MDN1: variants seen among roughly 807,000 people sequenced by gnomAD.
The protein encoded by MDN1 is midasin.
Under a neutral mutation model 669.2 loss-of-function variants are expected in MDN1, and 266 were observed. The observed-to-expected ratio is 0.40, with a 90% confidence interval of 0.36 to 0.44. MDN1 has a LOEUF of 0.44. Ranked by LOEUF, MDN1 falls within the 20% of genes least tolerant of loss-of-function variation. MDN1 has a pLI of 1.00. For synonymous variants in MDN1, 2,385 were observed against 2,457.1 expected, an observed-to-expected ratio of 0.97 and a Z score of 0.87; for missense variants, 5,940 against 6,754.0, an observed-to-expected ratio of 0.88 and a Z score of 4.22.
At chr6:89,742,674 A>G (rs1165620655) in intron 31 of MDN1, among the ~76,000 whole-genome samples, 4 of 152,200 alleles carry the variant, frequency 2.6e-5, no homozygotes, top group Admixed American at 2.6e-4. Flanking sequence ...CTACATCAAG[A>G]TTCATATTGG....
chr6:89,813,949 C>G (rs1212303159), intron 1 of MDN1, among the ~76,000 whole-genome samples: 3 of 151,038 alleles, frequency 2.0e-5, no homozygotes, highest in East Asian at 1.9e-4. Context: ...AAAAATTAGC[C>G]AGACGCGGTG....
chr6:89,713,044 C>A, intron 47 of MDN1, 104 bp downstream of exon 47: 1 of 1,287,968 alleles, frequency 7.8e-7, no homozygotes, highest in South Asian at 1.5e-5. Flanking sequence ...CTGCAGTGGT[C>A]AACTCTCTTA....
At chr6:89,769,474 G>C (rs1171728451) in intron 15 of MDN1, among the ~76,000 whole-genome samples, 1 of 152,136 alleles carries the variant, frequency 6.6e-6, no homozygotes, top group Non-Finnish European at 1.5e-5. Context: ...ACTACTTGAG[G>C]CCAGGAGTTC....
At chr6:89,701,852 C>T (rs1232223497) in intron 54 of MDN1, 52 bp downstream of exon 54, 2 of 1,570,922 alleles carry the variant, frequency 1.3e-6, no homozygotes, top group Non-Finnish European at 8.6e-7. Context: ...AAATCTTATC[C>T]TTAACATCTA....
chr6:89,814,424 A>C (rs1768670161), intron 1 of MDN1, among the ~76,000 whole-genome samples: 3 of 136,212 alleles, frequency 2.2e-5, no homozygotes, highest in Middle Eastern at 4.2e-3. Flanking sequence ...TCTCTCTGCT[A>C]TGTTGCCCAA....
intron 38 of MDN1, among the ~76,000 whole-genome samples, chr6:89,724,986 C>G (rs984224901): frequency 1.3e-5 from 2 of 152,156 alleles, no homozygotes; most frequent in Non-Finnish European, 2.9e-5. Flanking sequence ...TTTCTTCCAG[C>G]TGATAACACA....
intron 86 of MDN1, 30 bp from the exon 87 acceptor site, chr6:89,662,269 T>C: frequency 6.3e-7 from 1 of 1,593,016 alleles, no homozygotes; most frequent in Non-Finnish European, 8.5e-7. Context: ...AAAACAATCA[T>C]CACACTCAAT....
At chr6:89,726,987 C>T (rs1372904004) in intron 37 of MDN1, among the ~76,000 whole-genome samples, 3 of 152,084 alleles carry the variant, frequency 2.0e-5, no homozygotes, top group African/African-American at 7.2e-5. Context: ...ATATGCAATT[C>T]CACTAAATAC....
In MDN1 at chr6:89,643,315, T is replaced by C. The variant is rs1243820314; in HGVS notation, c.*690A>G. The C allele has an allele frequency of 6.6e-6, 1 of 152,144 alleles. No individual in the cohort carries two copies. Among genetic ancestry groups the C allele is most frequent in the Non-Finnish European group, 1.5e-5 (1 of 68,022 alleles). The allele number at this position is 152,144 out of a possible 1,614,324, so 9.4% of individuals were successfully genotyped here. On this transcript the variant is annotated 3_prime_UTR_variant, in exon 102 of 102. Transcript: ENST00000369393. The stretch of plus-strand genomic sequence containing the variant: ...GGGCAATCACCTTCCCATCATTGCA[T>C]AGTCTCCCGAAGCAGCAAGTGTGAA...
At chr6:89,775,844 C>T (rs1818329385) in intron 12 of MDN1, among the ~76,000 whole-genome samples, 1 of 152,044 alleles carries the variant, frequency 6.6e-6, no homozygotes, top group Non-Finnish European at 1.5e-5. Context: ...TGCCACCACA[C>T]CCAGCTAATT....
In MDN1 at chr6:89,706,106, A is replaced by C; in HGVS notation, c.8101T>G (p.Trp2701Gly). Residue 2701 changes from tryptophan (W) to glycine (G), a missense_variant, in exon 53 of 102, where the codon TGG (tryptophan) becomes GGG (glycine). By Grantham distance (184) the Trp-to-Gly change is radical. Around this residue, in one of 5 missense-constraint regions of MDN1, gnomAD observed 2,292 missense variants for 2,638.3 expected, o/e 0.87. Coordinates refer to ENST00000369393, the MANE Select transcript of MDN1 (RefSeq NM_014611.3). ...FELCDALVLL[W>G]VQSSQGMVSD... Reference sequence around the variant, plus strand: ...ACCATTCCCTGGGAGGACTGTACCCAGAGCAGGACTAGTGCATCACAAAGT... The same window carrying C: ...ACCATTCCCTGGGAGGACTGTACCCCGAGCAGGACTAGTGCATCACAAAGT... 2 of 1,613,096 alleles carry C rather than the reference A, an allele frequency of 1.2e-6. No individual in the cohort carries two copies. The highest frequency in any genetic ancestry group is 1.7e-6 in the Non-Finnish European group (2 of 1,179,302).
intron 13 of MDN1, among the ~76,000 whole-genome samples, chr6:89,773,879 C>T (rs1363573366): frequency 6.6e-6 from 1 of 151,840 alleles, no homozygotes; most frequent in Admixed American, 6.6e-5. Flanking sequence ...GCAGGAGAAT[C>T]GCTTGAACCA....
rs775162049 is a variant in MDN1 at position 89,676,126 on chromosome 6, G to A, written c.12621C>T (p.Asn4207=). The A allele has an allele frequency of 2.7e-5, 43 of 1,614,054 alleles. No individual in the cohort carries two copies. The highest frequency in any genetic ancestry group is 5.0e-5 in the Admixed American group (3 of 60,004). The change falls in exon 77 of 102, where the codon AAC becomes AAT. Residue 4207 remains asparagine, a synonymous_variant. Transcript: ENST00000369393. ...CCTTGGCAGGAGTTGCTAGTGCTGCGTTAAGCCTGGCATGCCGTGCAAGAG... is the reference window on the plus strand; with the variant it reads ...CCTTGGCAGGAGTTGCTAGTGCTGCATTAAGCCTGGCATGCCGTGCAAGAG... ...YRSLARHARL[N]AALATPAKEM... is the part of the protein sequence containing the mutation.
chr6:89,809,712 G>A (rs1584404963), intron 1 of MDN1, among the ~76,000 whole-genome samples: 1 of 151,022 alleles, frequency 6.6e-6, no homozygotes, highest in African/African-American at 2.4e-5. Flanking sequence ...GGAAGCAGAG[G>A]TTGCAGTAAG....
Position 89,764,207 on chromosome 6 carries a change from A to T in MDN1, c.2145-1677T>A, listed in dbSNP as rs113373272. ...CTACAGTCTGGGCAACAGAGCAAGA[A>T]CTCATCCCTTTATAAAAATTTTTTT... is the stretch of plus-strand genomic sequence containing the variant. On this transcript the variant is annotated intron_variant, in intron 15 of 101. Transcript: ENST00000369393. Among the ~76,000 whole-genome samples the T allele has an allele frequency of 5.8e-3, 881 of 152,190 alleles. 10 individuals carry two copies. The highest frequency in any genetic ancestry group is 0.02 in the African/African-American group (837 of 41,528).
In MDN1 at chr6:89,771,545, T is replaced by G. The variant is rs1442999280; in HGVS notation, c.2144+16A>C. The G allele has an allele frequency of 6.2e-7, 1 of 1,605,098 alleles. No homozygotes were observed. Among genetic ancestry groups the G allele is most frequent in the African/African-American group, 1.3e-5 (1 of 74,322 alleles). On this transcript the variant is annotated intron_variant, in intron 15 of 101. Transcript: ENST00000369393. Reference sequence around the variant, plus strand: ...ATAAACACAAAAATAAGAAAAAAATTTTAAGCCACACTTACCCTCCAAGCA... The same window carrying G: ...ATAAACACAAAAATAAGAAAAAAATGTTAAGCCACACTTACCCTCCAAGCA...
chr6:89,783,741 C>A (rs570252453), intron 9 of MDN1, among the ~76,000 whole-genome samples: 1 of 152,232 alleles, frequency 6.6e-6, no homozygotes, highest in East Asian at 1.9e-4. Flanking sequence ...CCCCAGACAG[C>A]CCAGCTGTAA....
In MDN1 at chr6:89,789,858, C is replaced by A; in HGVS notation, c.1152G>T (p.Gln384His). 1 of 1,614,084 alleles carries A rather than the reference C, an allele frequency of 6.2e-7. No individual in the cohort carries two copies. The highest frequency in any genetic ancestry group is 8.5e-7 in the Non-Finnish European group (1 of 1,179,996). ...TGGCTGCCTGTGTCAGGGTGCCAGG[C>A]TGCCACACAAACTCTCCAGGAACAT... ...CTDVPGEFVW[Q>H]PGTLTQAATM... Residue 384 changes from glutamine (Q) to histidine (H), a missense_variant, in exon 7 of 102, where the codon CAG (glutamine) becomes CAT (histidine). Around this residue, in one of 5 missense-constraint regions of MDN1, gnomAD observed 1,203 missense variants for 1,268.9 expected, o/e 0.95. Coordinates refer to ENST00000369393, the MANE Select transcript of MDN1 (RefSeq NM_014611.3).
intron 90 of MDN1, 119 bp from the exon 91 acceptor site, chr6:89,656,920 ACTC>A: frequency 1.3e-6 from 1 of 797,232 alleles, no homozygotes; most frequent in Non-Finnish European, 2.0e-6. Flanking sequence ...TCATATAATC[ACTC>A]CTGCCTACCT....
Sources: allele counts gnomAD v4.1 joint callset (sites outside exome capture counted in the v4.1 genomes callset), GRCh38; gene constraint gnomAD v4.1.1; regional missense constraint gnomAD v4.1.1; transcripts MANE v1.5; gene names NCBI Gene and HGNC (gene_info 2026-07-23, HGNC 2026-07-21).